The following UTS2B variants were observed in gnomAD, a reference collection of about 807,000 sequenced individuals.
UTS2B encodes the protein urotensin 2B.
Under a neutral mutation model 19.2 loss-of-function variants are expected in UTS2B, and 21 were observed. The ratio of observed to expected loss-of-function variants is 1.09; its 90% CI spans 0.78 to 1.58. UTS2B has a LOEUF of 1.58. UTS2B is among the 40% of genes most tolerant of loss of function. The pLI is 0.00. For missense variants in UTS2B, 138 were observed against 130.3 expected (o/e 1.06, Z -0.29); for synonymous variants, 57 against 50.2 (o/e 1.14, Z -0.58).
chr3:191,317,099 C>T (rs1380282738), intron 2 of UTS2B, among the ~76,000 whole-genome samples: 2 of 152,232 alleles, frequency 1.3e-5, no homozygotes, highest in Admixed American at 6.5e-5. Flanking sequence ...CCGTGCAGAG[C>T]CCATGGGGGT....
chr3:191,329,157 A>C (rs1576941501), intron 1 of UTS2B: 1 of 156,706 alleles, frequency 6.4e-6, no homozygotes, highest in Non-Finnish European at 1.4e-5. Context: ...CCCCACCTAA[A>C]GACGCGACCC....
At position 191,322,661 on chromosome 3, in the gene UTS2B, G is replaced by T. The variant is rs1717640797; in HGVS notation, c.-586+5970C>A. ...GGAGATATGACAAATGTTTGTTAAGGTGGAGGAATTACAGCAAGTTTTAGA... is the reference window on the plus strand; with the variant it reads ...GGAGATATGACAAATGTTTGTTAAGTTGGAGGAATTACAGCAAGTTTTAGA... On this transcript the variant is annotated intron_variant, in intron 2 of 8. Transcript: ENST00000340524. 9.2e-5 allele frequency among the ~76,000 whole-genome samples: 14 copies of T among 152,284 alleles called. No individual in the cohort carries two copies. In the South Asian group the frequency reaches 2.9e-3, roughly 32 times the overall value.
chr3:191,344,930 C>T, the UTS2B span, among the ~76,000 whole-genome samples: 7 of 152,292 alleles, frequency 4.6e-5, no homozygotes, highest in Non-Finnish European at 7.3e-5. Context: ...GTGAGGAATG[C>T]ACATCCTCAA....
chr3:191,325,546 C>A (rs1399893881), intron 2 of UTS2B, among the ~76,000 whole-genome samples: 1 of 152,124 alleles, frequency 6.6e-6, no homozygotes, highest in African/African-American at 2.4e-5. Flanking sequence ...ACTTGAGCAA[C>A]TGAGGAAAGT....
chr3:191,324,998 C>T (rs879693663), intron 2 of UTS2B, among the ~76,000 whole-genome samples: 3 of 151,860 alleles, frequency 2.0e-5, no homozygotes, highest in South Asian at 2.1e-4. Context: ...TGCAGTGAAC[C>T]GAGATTGTGC....
At chr3:191,301,192 A>C (rs1716989186) in intron 4 of UTS2B, among the ~76,000 whole-genome samples, 1 of 152,174 alleles carries the variant, frequency 6.6e-6, no homozygotes, top group Non-Finnish European at 1.5e-5. Context: ...AATTTGCATA[A>C]GCTTTAGTGA....
At chr3:191,315,708 T>C (rs1338907327) in intron 3 of UTS2B, among the ~76,000 whole-genome samples, 1 of 152,234 alleles carries the variant, frequency 6.6e-6, no homozygotes, top group African/African-American at 2.4e-5. Flanking sequence ...TCTCATGTTT[T>C]CTCTAGCTTT....
chr3:191,318,611 G>A (rs1174704076), intron 2 of UTS2B, among the ~76,000 whole-genome samples: 1 of 152,006 alleles, frequency 6.6e-6, no homozygotes, highest in Non-Finnish European at 1.5e-5. Context: ...CTGGAACCAC[G>A]GGTGCACACC....
chr3:191,282,029 A>G lies in UTS2B; in HGVS notation c.103+58T>C, dbSNP rs1716400597. 55 of 1,245,982 alleles carry G rather than the reference A, an allele frequency of 4.4e-5. No homozygotes were observed. In the South Asian group the frequency reaches 7.1e-4, roughly 16 times the overall value. The allele number at this position is 1,245,982 out of a possible 1,614,324, so 77.2% of individuals were successfully genotyped here. A position where few individuals can be genotyped will look rare whatever the true frequency, so the allele number is the denominator to read the frequency against. On this transcript the variant is annotated intron_variant, in intron 5 of 8. Transcript: ENST00000340524. Reference sequence around the variant, plus strand: ...ATGGCAGAAAAATCAAATTTGTTCAAATAGAAATAGAAGAATTACTTACCC... The same window carrying G: ...ATGGCAGAAAAATCAAATTTGTTCAGATAGAAATAGAAGAATTACTTACCC...
the UTS2B span, among the ~76,000 whole-genome samples, chr3:191,336,132 GT>G: frequency 3.3e-3 from 454 of 136,912 alleles, no homozygotes; most frequent in Middle Eastern, 0.011. Flanking sequence ...GTGTACAAGT[GT>G]TTTTTTTTTT....
At chr3:191,343,249 A>C in the UTS2B span, among the ~76,000 whole-genome samples, 1 of 152,188 alleles carries the variant, frequency 6.6e-6, no homozygotes, top group Non-Finnish European at 1.5e-5. Flanking sequence ...CTCATATTAC[A>C]GGGGCGTAAA....
chr3:191,288,992 C>T (rs1716632214), intron 4 of UTS2B, among the ~76,000 whole-genome samples: 1 of 151,640 alleles, frequency 6.6e-6, no homozygotes, highest in Non-Finnish European at 1.5e-5. Flanking sequence ...CTAAGAAACT[C>T]AAACAAATCA....
At chr3:191,280,956 G>C (rs1321915642) in intron 5 of UTS2B, among the ~76,000 whole-genome samples, 1 of 152,052 alleles carries the variant, frequency 6.6e-6, no homozygotes, top group Non-Finnish European at 1.5e-5. Context: ...TGATTCCCAG[G>C]CTTGTATTTA....
At chr3:191,335,762 T>A in the UTS2B span, among the ~76,000 whole-genome samples, 2 of 152,192 alleles carry the variant, frequency 1.3e-5, no homozygotes, top group Non-Finnish European at 2.9e-5. Flanking sequence ...AGTGGTTCTT[T>A]CCTTTTTCTT....
At chr3:191,338,646 T>C in the UTS2B span, among the ~76,000 whole-genome samples, 13 of 152,266 alleles carry the variant, frequency 8.5e-5, no homozygotes, top group African/African-American at 2.9e-4. Context: ...TGGTCTTTGG[T>C]GGATCCACAA....
chr3:191,268,801 T>C (rs1035662119), intron 8 of UTS2B, among the ~76,000 whole-genome samples: 2 of 152,210 alleles, frequency 1.3e-5, no homozygotes, highest in Admixed American at 6.5e-5. Flanking sequence ...CCTATGAGAT[T>C]CATCCCTCTA....
the UTS2B span, among the ~76,000 whole-genome samples, chr3:191,337,392 TTCTC>T: frequency 1.3e-5 from 2 of 152,064 alleles, no homozygotes; most frequent in East Asian, 1.9e-4. Flanking sequence ...TCATTTTTCT[TTCTC>T]TCTCTCTTTT....
intron 4 of UTS2B, among the ~76,000 whole-genome samples, chr3:191,289,466 A>G (rs1238260805): frequency 7.3e-6 from 1 of 137,904 alleles, no homozygotes; most frequent in Non-Finnish European, 1.6e-5. Flanking sequence ...AACGAAATTA[A>G]TATGTTCAGT....
At chr3:191,312,104 G>T (rs1717317600) in intron 3 of UTS2B, among the ~76,000 whole-genome samples, 1 of 150,590 alleles carries the variant, frequency 6.6e-6, no homozygotes, top group African/African-American at 2.4e-5. Context: ...GCGAGCCGAG[G>T]TTGCGCCACT....
Sources: allele counts gnomAD v4.1 joint callset (sites outside exome capture counted in the v4.1 genomes callset), GRCh38; gene constraint gnomAD v4.1.1; transcripts MANE v1.5; gene names NCBI Gene and HGNC (gene_info 2026-07-23, HGNC 2026-07-21).